FZD4: variants seen among roughly 807,000 people sequenced by gnomAD.
FZD4 encodes frizzled class receptor 4, also known as frizzled-4.
FZD4 carries 16 observed loss-of-function variants against 37.3 expected under a neutral mutation model. The ratio of observed to expected loss-of-function variants is 0.43; its 90% CI spans 0.29 to 0.65. The LOEUF (loss-of-function observed/expected upper bound fraction) is 0.65. Among genes scored for constraint, FZD4 ranks in the 30% least tolerant of loss-of-function variants. The pLI, the probability that FZD4 is intolerant of heterozygous loss-of-function variation, is 0.16. For missense variants in FZD4, 599 were observed against 674.3 expected (o/e 0.89, Z 1.24); for synonymous variants, 246 against 254.8 (o/e 0.97, Z 0.33).
chr11:86,954,458 C>A, intron 1 of FZD4: 1 of 985,454 alleles, frequency 1.0e-6, no homozygotes, highest in Non-Finnish European at 1.2e-6. Flanking sequence ...GTCTTAGCTG[C>A]AGCTGGCTCC....
In FZD4 at chr11:86,955,355, T is replaced by C. The variant is rs1014167926; in HGVS notation, c.-270A>G. 4.0e-5 allele frequency: 14 copies of C among 352,924 alleles called. No homozygotes were observed. The Admixed American group carries it at 4.4e-4, about 11-fold the overall frequency. The allele number at this position is 352,924 out of a possible 1,614,324, so 21.9% of individuals were successfully genotyped here. A position where few individuals can be genotyped will look rare whatever the true frequency, so the allele number is the denominator to read the frequency against. ...CGGCGCCGGCCGCGTCCGTTCGGCG[T>C]CTCCGCGAGGCCAGCCAGCAGCCAG... is the stretch of plus-strand genomic sequence containing the variant. On this transcript the variant is annotated 5_prime_UTR_variant, in exon 1 of 2. Coordinates refer to ENST00000531380, the MANE Select transcript of FZD4 (RefSeq NM_012193.4).
chr11:86,952,701 C>G, intron 1 of FZD4: 1 of 462,746 alleles, frequency 2.2e-6, no homozygotes, highest in African/African-American at 1.9e-5. Flanking sequence ...GAAGAATGTA[C>G]ATAAATAAAT....
rs1329559034 is a variant in FZD4 at position 86,947,470 on chromosome 11, A to T, written c.*3672T>A. 1 of 152,286 alleles carries T rather than the reference A, an allele frequency of 6.6e-6. No homozygotes were observed. The allele number at this position is 152,286 out of a possible 1,614,324, so 9.4% of individuals were successfully genotyped here. ...GGATGAGGGGAGCCAGAGAGTATAGAGCTAAAAGGTGCTGAACAGAATCTC... is the reference window on the plus strand; with the variant it reads ...GGATGAGGGGAGCCAGAGAGTATAGTGCTAAAAGGTGCTGAACAGAATCTC... On this transcript the variant is annotated 3_prime_UTR_variant, in exon 2 of 2. Transcript: ENST00000531380.
Position 86,951,824 on chromosome 11 carries a change from A to C in FZD4, c.932T>G (p.Phe311Cys), listed in dbSNP as rs771158006. 12 of 1,613,886 alleles carry C rather than the reference A, an allele frequency of 7.4e-6. No individual in the cohort carries two copies. The African/African-American group carries it at 1.6e-4, about 22-fold the overall frequency. Residue 311 changes from phenylalanine (F) to cysteine (C), a missense_variant, in exon 2 of 2, where the codon TTT becomes TGT. By Grantham distance (205) the Phe-to-Cys change is radical. Coordinates refer to ENST00000531380, the MANE Select transcript of FZD4 (RefSeq NM_012193.4). Reference sequence around the variant, plus strand: ...CCAAATGGAGCTGGCCATTCCAAAAAAGTACATCAGCAAGAAAATTATTGC... The same window carrying C: ...CCAAATGGAGCTGGCCATTCCAAAACAGTACATCAGCAAGAAAATTATTGC... ...GCAIIFLLMY[F>C]FGMASSIWWV...
At chr11:86,953,015 A>G (rs1949307560) in intron 1 of FZD4, 1 of 153,340 alleles carries the variant, frequency 6.5e-6, no homozygotes, top group Non-Finnish European at 1.5e-5. Flanking sequence ...ACACTGTTAG[A>G]CTCAAGGATG....
rs1002702364 is a variant in FZD4 at position 86,949,626 on chromosome 11, C to T, written c.*1516G>A. 26 of 152,708 alleles carry T rather than the reference C, an allele frequency of 1.7e-4. No homozygotes were observed. The highest frequency in any genetic ancestry group is 5.2e-4 in the Admixed American group (8 of 15,300). The allele number at this position is 152,708 out of a possible 1,614,324, so 9.5% of individuals were successfully genotyped here. ...ACAGTTTTAAGAGAAGTGCAATTTT[C>T]GAGAGGCTGCTGGGGGTACCCCCTT... On this transcript the variant is annotated 3_prime_UTR_variant, in exon 2 of 2. Transcript: ENST00000531380.
rs1949236981 is a variant in FZD4, at chr11:86,945,713, ATTAAAT to A, written c.*5423_*5428del. On this transcript the variant is annotated 3_prime_UTR_variant, in exon 2 of 2. Coordinates refer to ENST00000531380, the MANE Select transcript of FZD4 (RefSeq NM_012193.4). ...AAACTTTATTTTCCTTTAATACAAA[ATTAAAT>A]AGCAAGGGGTTTTCTTTGTACAGTG... The A allele has an allele frequency of 6.5e-6, 1 of 152,684 alleles. No individual in the cohort carries two copies. Among genetic ancestry groups the A allele is most frequent in the Admixed American group, 6.5e-5 (1 of 15,290 alleles). 9.5% of individuals were successfully genotyped at this position (152,684 alleles called of 1,614,324 possible).
chr11:86,949,279 G>A lies in FZD4; in HGVS notation c.*1863C>T, dbSNP rs1167439729. The stretch of plus-strand genomic sequence containing the variant: ...AAAAACAAAAAGGAAAGAAGAAAGG[G>A]AAATGTCAAACTATGGGCATAAGGC... On this transcript the variant is annotated 3_prime_UTR_variant, in exon 2 of 2. Transcript: ENST00000531380. 3 of 151,920 alleles carry A rather than the reference G, an allele frequency of 2.0e-5. No homozygotes were observed. The highest frequency in any genetic ancestry group is 4.4e-5 in the Non-Finnish European group (3 of 67,982). The allele number at this position is 151,920 out of a possible 1,614,324, so 9.4% of individuals were successfully genotyped here.
Position 86,951,393 on chromosome 11 carries a change from A to T in FZD4, c.1363T>A (p.Tyr455Asn). ...GCCCAGTTGGAGATTTCATAAAAAT[A>T]ACAGGCAATCACACACGTTGCAGGA... is the stretch of plus-strand genomic sequence containing the variant. ...TVPATCVIAC[Y>N]FYEISNWALF... The change falls in exon 2 of 2, where the codon TAT becomes AAT. Residue 455 changes from tyrosine to asparagine, a missense_variant. Coordinates refer to ENST00000531380, the MANE Select transcript of FZD4 (RefSeq NM_012193.4). The T allele has an allele frequency of 6.2e-7, 1 of 1,614,054 alleles. No homozygotes were observed. The highest frequency in any genetic ancestry group is 8.5e-7 in the Non-Finnish European group (1 of 1,179,862).
At chr11:86,954,454 G>C in intron 1 of FZD4, 1 of 985,394 alleles carries the variant, frequency 1.0e-6, no homozygotes, top group Non-Finnish European at 1.2e-6. Flanking sequence ...CCAAGTCTTA[G>C]CTGCAGCTGG....
rs1226416674 is a variant in FZD4 at position 86,947,827 on chromosome 11, GT to G, written c.*3314del. On this transcript the variant is annotated 3_prime_UTR_variant, in exon 2 of 2. Transcript: ENST00000531380. ...CTACCAGAAAGGAGGTTGGACAGAGGTGCCATTGCACCATGTTTAATCTCTG... is the reference window on the plus strand; with the variant it reads ...CTACCAGAAAGGAGGTTGGACAGAGGGCCATTGCACCATGTTTAATCTCTG... 2.0e-5 allele frequency: 3 copies of G among 152,294 alleles called. No individual in the cohort carries two copies. Among genetic ancestry groups the G allele is most frequent in the Non-Finnish European group, 4.4e-5 (3 of 68,108 alleles). The allele number at this position is 152,294 out of a possible 1,614,324, so 9.4% of individuals were successfully genotyped here.
chr11:86,951,431 A>C lies in FZD4; in HGVS notation c.1325T>G (p.Val442Gly). The C allele has an allele frequency of 6.2e-7, 1 of 1,613,274 alleles. No homozygotes were observed. Among genetic ancestry groups the C allele is most frequent in the East Asian group, 2.2e-5 (1 of 44,888 alleles). ...ACACGTTGCAGGAACTGTGTACAGT[A>C]CTGAGAACACCCCAATCTTGACCAT... ...RLMVKIGVFS[V>G]LYTVPATCVI... The change falls in exon 2 of 2, where the codon GTA becomes GGA. Residue 442 changes from valine to glycine, a missense_variant. By Grantham distance (109) the Val-to-Gly change is moderately radical. Transcript: ENST00000531380.
intron 1 of FZD4, 168 bp from the exon 2 acceptor site, chr11:86,952,638 G>C (rs540191802): frequency 5.4e-5 from 35 of 653,658 alleles, no homozygotes; most frequent in South Asian, 4.3e-4. Flanking sequence ...AAGGGCGCCT[G>C]ATAATCCATC....
Position 86,950,458 on chromosome 11 carries a change from G to C in FZD4, c.*684C>G, listed in dbSNP as rs1027850203. The C allele has an allele frequency of 4.6e-5, 7 of 152,802 alleles. No homozygotes were observed. The highest frequency in any genetic ancestry group is 1.4e-4 in the African/African-American group (6 of 41,456). The allele number at this position is 152,802 out of a possible 1,614,324, so 9.5% of individuals were successfully genotyped here. A position where few individuals can be genotyped will look rare whatever the true frequency, so the allele number is the denominator to read the frequency against. ...AGAAGAGAGATGTTGAAATTTAAGA[G>C]AGGAAGACAGAGAAGAAAAATCCAC... On this transcript the variant is annotated 3_prime_UTR_variant, in exon 2 of 2. Transcript: ENST00000531380.
In FZD4 at chr11:86,955,082, C is replaced by A; in HGVS notation, c.4G>T (p.Ala2Ser). 1 of 1,533,270 alleles carries A rather than the reference C, an allele frequency of 6.5e-7. No individual in the cohort carries two copies. The highest frequency in any genetic ancestry group is 8.7e-7 in the Non-Finnish European group (1 of 1,144,702). The allele number at this position is 1,533,270 out of a possible 1,614,324, so 95.0% of individuals were successfully genotyped here. Residue 2 changes from alanine to serine, a missense_variant, in exon 1 of 2, where the codon GCC becomes TCC. Ala to Ser is a moderately conservative substitution (Grantham distance 99, BLOSUM62 1). This residue lies in a region of FZD4 where 357 missense variants were observed against 396.1 expected (regional missense o/e 0.90). Transcript: ENST00000531380. ...ACGCTCGGCCCTGCGCCCCGCCAGGCCATGGCCAGCATCGGGGGTAGCAGC... is the reference window on the plus strand; with the variant it reads ...ACGCTCGGCCCTGCGCCCCGCCAGGACATGGCCAGCATCGGGGGTAGCAGC... M[A>S]WRGAGPSVPG...
rs1178468547 is a variant in FZD4 at position 86,946,642 on chromosome 11, T to C, written c.*4500A>G. The C allele has an allele frequency of 6.6e-6, 1 of 152,568 alleles. No homozygotes were observed. Among genetic ancestry groups the C allele is most frequent in the African/African-American group, 2.4e-5 (1 of 41,428 alleles). 9.5% of individuals were successfully genotyped at this position (152,568 alleles called of 1,614,324 possible). A position where few individuals can be genotyped will look rare whatever the true frequency, so the allele number is the denominator to read the frequency against. ...TAGGCTAGAGTGAAATGAAATCTAT[T>C]ATGTGGGGCTCCAGTATCTGATCCT... On this transcript the variant is annotated 3_prime_UTR_variant, in exon 2 of 2. Transcript: ENST00000531380.
Position 86,949,875 on chromosome 11 carries a change from C to G in FZD4, c.*1267G>C, listed in dbSNP as rs2047346435. 1 of 152,676 alleles carries G rather than the reference C, an allele frequency of 6.5e-6. No individual in the cohort carries two copies. Among genetic ancestry groups the G allele is most frequent in the Non-Finnish European group, 1.5e-5 (1 of 68,052 alleles). The allele number at this position is 152,676 out of a possible 1,614,324, so 9.5% of individuals were successfully genotyped here. ...TCTTACAAGGAGCCTTTGCCAATTA[C>G]TAGGAAACAATTACGCACCAAGTAG... On this transcript the variant is annotated 3_prime_UTR_variant, in exon 2 of 2. Coordinates refer to ENST00000531380, the MANE Select transcript of FZD4 (RefSeq NM_012193.4).
rs563155866 is a variant in FZD4 at position 86,950,454 on chromosome 11, A to C, written c.*688T>G. On this transcript the variant is annotated 3_prime_UTR_variant, in exon 2 of 2. Coordinates refer to ENST00000531380, the MANE Select transcript of FZD4 (RefSeq NM_012193.4). ...GCCAAGAAGAGAGATGTTGAAATTT[A>C]AGAGAGGAAGACAGAGAAGAAAAAT... 1.2e-4 allele frequency: 19 copies of C among 152,882 alleles called. No homozygotes were observed. Among genetic ancestry groups the C allele is most frequent in the African/African-American group, 4.6e-4 (19 of 41,584 alleles). The allele number at this position is 152,882 out of a possible 1,614,324, so 9.5% of individuals were successfully genotyped here. A position where few individuals can be genotyped will look rare whatever the true frequency, so the allele number is the denominator to read the frequency against.
Position 86,951,848 on chromosome 11 carries a change from G to A in FZD4, c.908C>T (p.Ala303Val). The A allele has an allele frequency of 6.2e-7, 1 of 1,613,562 alleles. No individual in the cohort carries two copies. The highest frequency in any genetic ancestry group is 8.5e-7 in the Non-Finnish European group (1 of 1,179,992). The change falls in exon 2 of 2, where the codon GCA becomes GTA. Residue 303 changes from alanine (A) to valine (V), a missense_variant. By Grantham distance (64) the Ala-to-Val change is moderately conservative. This residue lies in a region of FZD4 where 357 missense variants were observed against 396.1 expected (regional missense o/e 0.90). Transcript: ENST00000531380. ...IQEGLKNTGC[A>V]IIFLLMYFFG... ...AAAGTACATCAGCAAGAAAATTATT[G>A]CACATCCTGTGTTCTTAAGTCCTTC...
Sources: allele counts gnomAD v4.1 joint callset, GRCh38; gene constraint gnomAD v4.1.1; regional missense constraint gnomAD v4.1.1; transcripts MANE v1.5; gene names NCBI Gene and HGNC (gene_info 2026-07-23, HGNC 2026-07-21).